The following DNAH6 variants were observed in gnomAD, a reference collection of about 807,000 sequenced individuals.
DNAH6 encodes axonemal beta dynein heavy chain 6.
A neutral mutation model predicts 491.4 loss-of-function variants in DNAH6; 340 were observed. That is an observed-to-expected ratio of 0.69 (90% CI 0.63 to 0.76). The LOEUF is 0.76. Ranked by LOEUF, DNAH6 falls within the 30% of genes least tolerant of loss-of-function variation. The pLI is 0.00. For synonymous variants in DNAH6, 1,603 were observed against 1,686.1 expected, an observed-to-expected ratio of 0.95 and a Z score of 1.21; for missense variants, 4,443 against 4,972.2, an observed-to-expected ratio of 0.89 and a Z score of 3.20.
At chr2:84,465,902 A>C in the DNAH6 span, among the ~76,000 whole-genome samples, 2 of 152,240 alleles carry the variant, frequency 1.3e-5, no homozygotes, top group Admixed American at 1.3e-4. Flanking sequence ...AATTTGTTTT[A>C]TTATACTTGG....
At chr2:84,680,671 T>G (rs1693695473) in intron 41 of DNAH6, among the ~76,000 whole-genome samples, 1 of 149,266 alleles carries the variant, frequency 6.7e-6, no homozygotes, top group Non-Finnish European at 1.5e-5. Flanking sequence ...GGGGGAAGGG[T>G]GGACCAGCAG....
the DNAH6 span, among the ~76,000 whole-genome samples, chr2:84,508,176 G>A: frequency 3.9e-5 from 6 of 152,160 alleles, no homozygotes; most frequent in Non-Finnish European, 7.3e-5. Flanking sequence ...AGTAGAATTC[G>A]GCTGTGAATC....
chr2:84,578,139 GC>G (rs1316476829), intron 13 of DNAH6, among the ~76,000 whole-genome samples: 2 of 152,040 alleles, frequency 1.3e-5, no homozygotes, highest in African/African-American at 4.8e-5. Context: ...ACATTTTCTG[GC>G]CCCTGGTAGA....
At chr2:84,612,884 C>G (rs1201681959) in intron 22 of DNAH6, among the ~76,000 whole-genome samples, 1 of 151,904 alleles carries the variant, frequency 6.6e-6, no homozygotes, top group East Asian at 1.9e-4. Flanking sequence ...TCTAGGGGGC[C>G]ATTATTCTGT....
intron 2 of DNAH6, 64 bp downstream of exon 2, chr2:84,518,115 A>T: frequency 7.9e-7 from 1 of 1,265,540 alleles, no homozygotes; most frequent in Non-Finnish European, 1.1e-6. Context: ...ATTGCTTTGG[A>T]GGATAGAAGT....
intron 72 of DNAH6, among the ~76,000 whole-genome samples, chr2:84,810,868 C>G (rs1679901356): frequency 6.6e-6 from 1 of 152,220 alleles, no homozygotes; most frequent in African/African-American, 2.4e-5. Context: ...TGGCTGCCTC[C>G]TTTGGGAGAA....
intron 63 of DNAH6, among the ~76,000 whole-genome samples, chr2:84,754,309 A>T (rs1356094590): frequency 6.6e-6 from 1 of 152,018 alleles, no homozygotes; most frequent in Non-Finnish European, 1.5e-5. Context: ...CTTCCCAAGT[A>T]GCTGGGATTA....
At chr2:84,558,860 G>A (rs1680350170) in intron 11 of DNAH6, among the ~76,000 whole-genome samples, 1 of 152,110 alleles carries the variant, frequency 6.6e-6, no homozygotes, top group Admixed American at 6.5e-5. Context: ...CTAATCTCCT[G>A]TATGGAAAAA....
At chr2:84,642,081 A>G (rs985455613) in intron 33 of DNAH6, 27 bp downstream of exon 33, 4 of 1,443,568 alleles carry the variant, frequency 2.8e-6, no homozygotes, top group Non-Finnish European at 3.8e-6. Context: ...TACCAAGTAA[A>G]GCATGGCTAT....
At chr2:84,672,143 C>T (rs900989860) in intron 39 of DNAH6, among the ~76,000 whole-genome samples, 184 bp from the exon 40 acceptor site, 2 of 152,162 alleles carry the variant, frequency 1.3e-5, no homozygotes, top group African/African-American at 4.8e-5. Context: ...TGACCAGGAC[C>T]ACATCTTCCT....
chr2:84,681,634 C>T (rs1158489838), intron 42 of DNAH6, 106 bp downstream of exon 42: 2 of 977,956 alleles, frequency 2.0e-6, no homozygotes, highest in African/African-American at 3.4e-5. Context: ...GTGACTCACC[C>T]AGAAATCCCA....
At chr2:84,777,328 A>G (rs961705462) in intron 64 of DNAH6, 2 of 330,124 alleles carry the variant, frequency 6.1e-6, no homozygotes, top group Non-Finnish European at 6.0e-6. Context: ...TCTCTTCCTC[A>G]GGAGTCAGAC....
chr2:84,654,908 G>A, intron 35 of DNAH6, 126 bp downstream of exon 35: 1 of 1,008,988 alleles, frequency 9.9e-7, no homozygotes, highest in Non-Finnish European at 1.4e-6. Context: ...ATTTTACCTA[G>A]TCCTCCCTGT....
intron 63 of DNAH6, among the ~76,000 whole-genome samples, chr2:84,752,365 A>T (rs1326401443): frequency 6.6e-6 from 1 of 152,234 alleles, no homozygotes; most frequent in Middle Eastern, 3.2e-3. Flanking sequence ...TATCATACAG[A>T]TTAAGCAAGA....
intron 29 of DNAH6, among the ~76,000 whole-genome samples, chr2:84,626,243 C>T (rs1687845303): frequency 3.3e-5 from 5 of 152,082 alleles, no homozygotes; most frequent in Admixed American, 3.3e-4. Context: ...TATCTGCCAA[C>T]ATATTAAATA....
intron 12 of DNAH6, 50 bp downstream of exon 12, chr2:84,573,637 T>C (rs1254218402): frequency 3.4e-6 from 5 of 1,462,694 alleles, no homozygotes; most frequent in Non-Finnish European, 3.6e-6. Context: ...GATACTGAGA[T>C]TTGTTGTTTT....
At chr2:84,698,802 G>T (rs182341947) in intron 47 of DNAH6, among the ~76,000 whole-genome samples, 24 of 152,278 alleles carry the variant, frequency 1.6e-4, no homozygotes, top group Non-Finnish European at 2.9e-4. Flanking sequence ...CCCATCAGTG[G>T]TGGATTAGAT....
At chr2:84,477,876 CTGCCACA>C in the DNAH6 span, among the ~76,000 whole-genome samples, 1 of 152,202 alleles carries the variant, frequency 6.6e-6, no homozygotes, top group Non-Finnish European at 1.5e-5. Context: ...CAATCTGACT[CTGCCACA>C]TGGAAATGGA....
chr2:84,778,009 G>T lies in DNAH6; in HGVS notation c.10704-3484G>T. On this transcript the variant is annotated intron_variant, in intron 64 of 76. Transcript: ENST00000389394. ...AATTTGCAGTTACATTATAGTCTTTGCCAGAGACAATCTTTGGTGTTCTAA... is the reference window on the plus strand; with the variant it reads ...AATTTGCAGTTACATTATAGTCTTTTCCAGAGACAATCTTTGGTGTTCTAA... 2.1e-5 allele frequency: 21 copies of T among 1,001,750 alleles called. No individual in the cohort carries two copies. The South Asian group carries it at 2.5e-4, about 12-fold the overall frequency. The allele number at this position is 1,001,750 out of a possible 1,614,324, so 62.1% of individuals were successfully genotyped here.
Sources: allele counts gnomAD v4.1 joint callset (sites outside exome capture counted in the v4.1 genomes callset), GRCh38; gene constraint gnomAD v4.1.1; transcripts MANE v1.5; gene names NCBI Gene and HGNC (gene_info 2026-07-23, HGNC 2026-07-21).